The following PTPN12 variants were observed in gnomAD, a reference collection of about 807,000 sequenced individuals.
PTPN12 encodes the protein protein tyrosine phosphatase non-receptor type 12, also known as tyrosine-protein phosphatase non-receptor type 12.
A neutral mutation model predicts 97.6 loss-of-function variants in PTPN12; 29 were observed. The ratio of observed to expected loss-of-function variants is 0.30; its 90% confidence interval spans 0.22 to 0.41. The LOEUF (loss-of-function observed/expected upper bound fraction) is 0.41. PTPN12 is among the 10% of genes least tolerant of loss of function. The probability of loss-of-function intolerance (pLI) is 1.00; values close to 1 mark genes in which losing one functional copy is unlikely to be tolerated. For synonymous variants in PTPN12, 327 were observed against 300.4 expected, an observed-to-expected ratio of 1.09 and a Z score of -0.91; for missense variants, 819 against 926.0, an observed-to-expected ratio of 0.88 and a Z score of 1.50.
intron 1 of PTPN12, among the ~76,000 whole-genome samples, chr7:77,547,640 A>G (rs1252783597): frequency 6.6e-6 from 1 of 152,248 alleles, no homozygotes; most frequent in Non-Finnish European, 1.5e-5. Context: ...AGTCAAAGGA[A>G]TTTGAGATGA....
At chr7:77,596,851 C>G (rs1037160833) in intron 6 of PTPN12, among the ~76,000 whole-genome samples, 21 of 152,308 alleles carry the variant, frequency 1.4e-4, no homozygotes, top group Non-Finnish European at 2.9e-4. Flanking sequence ...CTCTTTGTTA[C>G]AATTCACAAA....
chr7:77,570,031 TC>T (rs1808408716), intron 1 of PTPN12, among the ~76,000 whole-genome samples: 1 of 152,172 alleles, frequency 6.6e-6, no homozygotes, highest in African/African-American at 2.4e-5. Flanking sequence ...TTTGGAGAAC[TC>T]TATTACCACA....
intron 16 of PTPN12, 141 bp downstream of exon 16, chr7:77,637,189 A>G (rs1048392637): frequency 3.1e-6 from 2 of 643,698 alleles, no homozygotes; most frequent in Non-Finnish European, 5.2e-6. Context: ...GAAGCTTAAT[A>G]TTGTACTATA....
At chr7:77,610,289 A>G (rs879422026) in intron 9 of PTPN12, among the ~76,000 whole-genome samples, 5 of 152,202 alleles carry the variant, frequency 3.3e-5, no homozygotes, top group Non-Finnish European at 7.3e-5. Context: ...CAGTCTCTTT[A>G]TTATGTTCAC....
intron 5 of PTPN12, among the ~76,000 whole-genome samples, chr7:77,590,597 G>A (rs1294947439): frequency 6.7e-6 from 1 of 148,470 alleles, no homozygotes; most frequent in Admixed American, 6.8e-5. Flanking sequence ...GTCTCGCTCT[G>A]TCGCCCAGGC....
At chr7:77,621,919 T>C (rs1386172326) in intron 12 of PTPN12, among the ~76,000 whole-genome samples, 3 of 152,208 alleles carry the variant, frequency 2.0e-5, no homozygotes, top group Non-Finnish European at 4.4e-5. Flanking sequence ...GTCACATGAC[T>C]GTACATGTCT....
At chr7:77,601,435 T>G (rs370510386) in intron 8 of PTPN12, among the ~76,000 whole-genome samples, 4 of 152,254 alleles carry the variant, frequency 2.6e-5, no homozygotes, top group African/African-American at 7.2e-5. Flanking sequence ...ACTCCTGTCC[T>G]CAAGTGATTC....
At chr7:77,628,000 AG>A (rs1238229277) in intron 13 of PTPN12, among the ~76,000 whole-genome samples, 1 of 152,168 alleles carries the variant, frequency 6.6e-6, no homozygotes, top group East Asian at 1.9e-4. Context: ...GAAATAATTT[AG>A]GGAAGAATCA....
chr7:77,559,798 A>G (rs1297810334), intron 1 of PTPN12, among the ~76,000 whole-genome samples: 1 of 152,204 alleles, frequency 6.6e-6, no homozygotes, highest in Admixed American at 6.5e-5. Context: ...TGCTTTGTTG[A>G]ATGTGTATTT....
intron 16 of PTPN12, among the ~76,000 whole-genome samples, chr7:77,638,338 A>C (rs960808234): frequency 2.0e-5 from 3 of 152,170 alleles, no homozygotes; most frequent in Non-Finnish European, 2.9e-5. Context: ...AGCTACCTTA[A>C]GGGAATGTAA....
At chr7:77,570,649 A>G (rs974517117) in intron 1 of PTPN12, among the ~76,000 whole-genome samples, 8 of 152,266 alleles carry the variant, frequency 5.3e-5, no homozygotes, top group African/African-American at 1.9e-4. Flanking sequence ...AGTAATTATT[A>G]GCTTATGCCT....
chr7:77,548,201 C>T (rs765683883), intron 1 of PTPN12, among the ~76,000 whole-genome samples: 11 of 152,168 alleles, frequency 7.2e-5, no homozygotes, highest in South Asian at 2.1e-4. Context: ...TTTAAAGTGC[C>T]CTGTAGAAAG....
At chr7:77,568,714 C>T (rs759263372) in intron 1 of PTPN12, among the ~76,000 whole-genome samples, 3 of 152,168 alleles carry the variant, frequency 2.0e-5, no homozygotes, top group Non-Finnish European at 4.4e-5. Flanking sequence ...GAGGTACATT[C>T]ACATTTTATA....
At chr7:77,625,508 T>TCGCG in intron 12 of PTPN12, among the ~76,000 whole-genome samples, 1 of 108,958 alleles carries the variant, frequency 9.2e-6, no homozygotes, top group Non-Finnish European at 1.9e-5. Context: ...TCTCTCTCTC[T>TCGCG]CTCTCTCTCT....
intron 2 of PTPN12, among the ~76,000 whole-genome samples, chr7:77,575,859 A>C (rs117652794): frequency 6.6e-6 from 1 of 151,776 alleles, no homozygotes; most frequent in Non-Finnish European, 1.5e-5. Context: ...CTCTTTTAAC[A>C]GTTTTTTTTT....
intron 1 of PTPN12, among the ~76,000 whole-genome samples, chr7:77,566,673 G>C (rs961314570): frequency 5.3e-5 from 8 of 152,036 alleles, no homozygotes; most frequent in African/African-American, 1.9e-4. Flanking sequence ...GCAGTGAGCT[G>C]TGATTGCACC....
intron 5 of PTPN12, among the ~76,000 whole-genome samples, chr7:77,588,216 C>G (rs1463555755): frequency 6.6e-6 from 1 of 152,186 alleles, no homozygotes. Flanking sequence ...CTTTACTAAG[C>G]TTAATCATTT....
chr7:77,570,279 A>G (rs979239123), intron 1 of PTPN12, among the ~76,000 whole-genome samples: 1 of 152,168 alleles, frequency 6.6e-6, no homozygotes, highest in Non-Finnish European at 1.5e-5. Flanking sequence ...AGAAAGTTAA[A>G]TTTTATCAGA....
chr7:77,619,061 G>A (rs890688247), intron 12 of PTPN12, among the ~76,000 whole-genome samples: 4 of 152,166 alleles, frequency 2.6e-5, no homozygotes, highest in Admixed American at 6.5e-5. Flanking sequence ...TAGCTGCTTA[G>A]TCAGTAACAT....
Sources: allele counts gnomAD v4.1 joint callset (sites outside exome capture counted in the v4.1 genomes callset), GRCh38; gene constraint gnomAD v4.1.1; transcripts MANE v1.5; gene names NCBI Gene and HGNC (gene_info 2026-07-23, HGNC 2026-07-21).